Variants in SGPL1 observed in about 807,000 individuals in gnomAD.
The protein encoded by SGPL1 is SP-lyase 1.
In SGPL1, 37 loss-of-function variants were observed where a neutral mutation model predicts 68.9. That is an observed-to-expected ratio of 0.54 (90% CI 0.41 to 0.71). The LOEUF is 0.71. Ranked by LOEUF, SGPL1 falls within the 30% of genes least tolerant of loss-of-function variation. The probability of loss-of-function intolerance (pLI) is 0.00; values close to 1 mark genes in which losing one functional copy is unlikely to be tolerated. For missense variants in SGPL1, 551 were observed against 704.6 expected, an observed-to-expected ratio of 0.78 and a Z score of 2.47; for synonymous variants, 236 against 248.5, an observed-to-expected ratio of 0.95 and a Z score of 0.47.
chr10:70,816,190 G>C (rs2131837658), intron 1 of SGPL1, 64 bp downstream of exon 1: 1 of 151,176 alleles, frequency 6.6e-6, no homozygotes, highest in East Asian at 2.0e-4. Context: ...CGCGGGGTGA[G>C]GAGAGGACAG....
At chr10:70,831,840 G>C (rs996920245) in intron 2 of SGPL1, among the ~76,000 whole-genome samples, 1 of 152,194 alleles carries the variant, frequency 6.6e-6, no homozygotes, top group African/African-American at 2.4e-5. Context: ...GTTGTCGCTG[G>C]CCTTTCTGTG....
intron 2 of SGPL1, among the ~76,000 whole-genome samples, chr10:70,834,470 T>C (rs563726809): frequency 6.6e-6 from 1 of 152,264 alleles, no homozygotes; most frequent in Non-Finnish European, 1.5e-5. Flanking sequence ...CTAAGGTTCC[T>C]TCAGACAGTA....
At chr10:70,829,728 C>T (rs1845500108) in intron 2 of SGPL1, among the ~76,000 whole-genome samples, 1 of 152,100 alleles carries the variant, frequency 6.6e-6, no homozygotes, top group South Asian at 2.1e-4. Flanking sequence ...TTTTGATTAC[C>T]AGTCCAGACT....
At chr10:70,834,928 A>G (rs1845600673) in intron 2 of SGPL1, among the ~76,000 whole-genome samples, 1 of 152,216 alleles carries the variant, frequency 6.6e-6, no homozygotes, top group African/African-American at 2.4e-5. Flanking sequence ...TGTGAAGGAC[A>G]GGTTCAGCTC....
intron 2 of SGPL1, chr10:70,820,541 C>G (rs1017578532): frequency 6.6e-6 from 1 of 152,070 alleles, no homozygotes; most frequent in Admixed American, 6.5e-5. Flanking sequence ...TTGGGAGGCT[C>G]AGGCGGGCAG....
chr10:70,859,217 T>A (rs1049643925), intron 6 of SGPL1, among the ~76,000 whole-genome samples, 154 bp from the exon 7 acceptor site: 50 of 152,264 alleles, frequency 3.3e-4, no homozygotes, highest in African/African-American at 1.1e-3. Context: ...TCTCCTCTGC[T>A]ATGTTTTGAT....
At chr10:70,854,138 A>G (rs1008233278) in intron 4 of SGPL1, among the ~76,000 whole-genome samples, 4 of 152,060 alleles carry the variant, frequency 2.6e-5, no homozygotes, top group African/African-American at 9.7e-5. Flanking sequence ...TCAATGTGGC[A>G]GAGAAAAGGG....
chr10:70,865,075 AC>A (rs1252910213), intron 7 of SGPL1, among the ~76,000 whole-genome samples: 3 of 152,076 alleles, frequency 2.0e-5, no homozygotes, highest in Non-Finnish European at 4.4e-5. Flanking sequence ...AAATAAGGAA[AC>A]CCCCTCAGCT....
chr10:70,876,744 C>A, intron 14 of SGPL1, 83 bp downstream of exon 14: 1 of 1,228,728 alleles, frequency 8.1e-7, no homozygotes, highest in South Asian at 1.4e-5. Flanking sequence ...GACCCGGAGT[C>A]TGTTCCTGCC....
At chr10:70,822,174 G>A (rs1394730513) in intron 2 of SGPL1, among the ~76,000 whole-genome samples, 2 of 152,148 alleles carry the variant, frequency 1.3e-5, no homozygotes, top group Non-Finnish European at 2.9e-5. Flanking sequence ...TTGTTTGTAG[G>A]ATTTGCTAGA....
chr10:70,876,028 A>G (rs1304413194), intron 13 of SGPL1, among the ~76,000 whole-genome samples: 3 of 152,162 alleles, frequency 2.0e-5, no homozygotes, highest in African/African-American at 7.2e-5. Flanking sequence ...TCCTCTGTGT[A>G]CAGCTTAGCC....
intron 3 of SGPL1, among the ~76,000 whole-genome samples, chr10:70,845,269 A>C (rs1845774351): frequency 1.3e-5 from 2 of 152,086 alleles, no homozygotes; most frequent in African/African-American, 4.8e-5. Context: ...TAATTATGTC[A>C]CCTGGAGTTC....
chr10:70,863,290 T>C (rs1039296208), intron 7 of SGPL1, among the ~76,000 whole-genome samples: 383 of 33,786 alleles, frequency 0.011, no homozygotes, highest in African/African-American at 0.028. Flanking sequence ...CTTGGCCGTC[T>C]TTTTTTTTTT....
intron 2 of SGPL1, among the ~76,000 whole-genome samples, chr10:70,822,065 T>C (rs932487861): frequency 1.3e-5 from 2 of 152,230 alleles, no homozygotes; most frequent in South Asian, 2.1e-4. Context: ...CCTTGACTCT[T>C]TTTCAGGGAT....
intron 4 of SGPL1, among the ~76,000 whole-genome samples, chr10:70,852,723 TGTGTGC>T (rs768540043): frequency 0.041 from 6,279 of 151,364 alleles, 196 homozygotes; most frequent in Non-Finnish European, 0.062. Flanking sequence ...TGTGTGTGTG[TGTGTGC>T]GCGCGCACGC....
intron 5 of SGPL1, 46 bp from the exon 6 acceptor site, chr10:70,857,568 C>G (rs752311065): frequency 6.1e-6 from 9 of 1,474,184 alleles, no homozygotes; most frequent in Non-Finnish European, 8.5e-6. Flanking sequence ...ACCTGTCTTC[C>G]CAGAGATTCT....
At chr10:70,857,781 T>G in intron 6 of SGPL1, 91 bp downstream of exon 6, 4 of 780,084 alleles carry the variant, frequency 5.1e-6, no homozygotes, top group Non-Finnish European at 8.1e-6. Context: ...TTAGAAAAAT[T>G]ACTTAAGGAA....
rs1846435241 is a variant in SGPL1, at chr10:70,878,309, C to T, written c.*974C>T. The T allele has an allele frequency of 6.6e-6, 1 of 152,216 alleles. No individual in the cohort carries two copies. Among genetic ancestry groups the T allele is most frequent in the Non-Finnish European group, 1.5e-5 (1 of 68,060 alleles). 9.4% of individuals were successfully genotyped at this position (152,216 alleles called of 1,614,324 possible). On this transcript the variant is annotated 3_prime_UTR_variant, in exon 15 of 15. Transcript: ENST00000373202. ...GGTGGTCTCTTCTGTGCCTGCAGTC[C>T]CCATTTGACACTTGGTTGCCACCAT... is the stretch of plus-strand genomic sequence containing the variant.
intron 2 of SGPL1, among the ~76,000 whole-genome samples, chr10:70,835,421 A>G (rs578259851): frequency 8.5e-5 from 13 of 152,340 alleles, no homozygotes; most frequent in Non-Finnish European, 1.6e-4. Flanking sequence ...GTTGAGGCAC[A>G]CTGGAAACGT....
Sources: allele counts gnomAD v4.1 joint callset (sites outside exome capture counted in the v4.1 genomes callset), GRCh38; gene constraint gnomAD v4.1.1; transcripts MANE v1.5; gene names NCBI Gene and HGNC (gene_info 2026-07-23, HGNC 2026-07-21).